The following SPATS2L variants were observed in gnomAD, a reference collection of about 807,000 sequenced individuals.
SPATS2L encodes the protein spermatogenesis associated serine rich 2 like, also known as SPATS2-like protein.
SPATS2L carries 30 observed loss-of-function variants against 59.6 expected under a neutral mutation model. The observed-to-expected ratio is 0.50, with a 90% CI of 0.38 to 0.68. The LOEUF is 0.68. SPATS2L is among the 30% of genes least tolerant of loss of function. The pLI is 0.00. For missense variants in SPATS2L, 615 were observed against 700.0 expected (o/e 0.88, Z 1.37); for synonymous variants, 252 against 263.5 (o/e 0.96, Z 0.42).
chr2:200,467,810 C>T (rs542350969), intron 10 of SPATS2L, among the ~76,000 whole-genome samples: 11 of 152,134 alleles, frequency 7.2e-5, no homozygotes, highest in South Asian at 6.2e-4. Flanking sequence ...AGAAAGCATG[C>T]GGTCTGTGGA....
intron 2 of SPATS2L, among the ~76,000 whole-genome samples, chr2:200,350,722 A>G (rs1181691882): frequency 6.6e-6 from 1 of 151,814 alleles, no homozygotes; most frequent in Non-Finnish European, 1.5e-5. Context: ...TTTAGTAGAG[A>G]TGGCGTTTCA....
chr2:200,354,707 A>G (rs1254851981), intron 2 of SPATS2L, among the ~76,000 whole-genome samples: 1 of 152,206 alleles, frequency 6.6e-6, no homozygotes, highest in Non-Finnish European at 1.5e-5. Flanking sequence ...GCTGTTGCCA[A>G]GGATTCTTAT....
intron 6 of SPATS2L, among the ~76,000 whole-genome samples, chr2:200,436,015 T>C (rs562417485): frequency 6.6e-6 from 1 of 152,306 alleles, no homozygotes; most frequent in South Asian, 2.1e-4. Context: ...ATTACACTTA[T>C]AGCACATCTC....
At chr2:200,408,221 G>T (rs1403004055) in intron 3 of SPATS2L, among the ~76,000 whole-genome samples, 1 of 152,142 alleles carries the variant, frequency 6.6e-6, no homozygotes, top group Non-Finnish European at 1.5e-5. Context: ...TGGGGGTGGG[G>T]GTTCAAAACT....
At chr2:200,406,174 A>T (rs914014095) in intron 3 of SPATS2L, among the ~76,000 whole-genome samples, 1 of 152,170 alleles carries the variant, frequency 6.6e-6, no homozygotes, top group Non-Finnish European at 1.5e-5. Context: ...TAAGTAAATA[A>T]TGGTGGCAAT....
At chr2:200,440,345 C>T (rs879649319) in intron 7 of SPATS2L, among the ~76,000 whole-genome samples, 10 of 152,330 alleles carry the variant, frequency 6.6e-5, no homozygotes, top group African/African-American at 2.2e-4. Context: ...GGTCTTTAGA[C>T]GTATCAGATT....
intron 10 of SPATS2L, among the ~76,000 whole-genome samples, chr2:200,469,513 G>C (rs1434995452): frequency 2.6e-5 from 4 of 152,166 alleles, no homozygotes; most frequent in African/African-American, 7.2e-5. Context: ...TGTTAAAATA[G>C]GAATGGGGGT....
intron 8 of SPATS2L, among the ~76,000 whole-genome samples, chr2:200,448,088 A>T (rs952778863): frequency 1.3e-5 from 2 of 151,870 alleles, no homozygotes; most frequent in African/African-American, 4.8e-5. Context: ...AGGCTGTGAG[A>T]TAAGCCGTGA....
chr2:200,441,854 A>G (rs956385718), intron 8 of SPATS2L, among the ~76,000 whole-genome samples: 19 of 152,186 alleles, frequency 1.2e-4, no homozygotes, highest in African/African-American at 4.1e-4. Context: ...CTTCTTCTGC[A>G]TGCTTTTCCT....
chr2:200,404,450 A>G (rs921573766), intron 3 of SPATS2L, among the ~76,000 whole-genome samples: 2 of 152,186 alleles, frequency 1.3e-5, no homozygotes, highest in Non-Finnish European at 2.9e-5. Context: ...GATTCATTTC[A>G]CTTTCCCTCA....
intron 8 of SPATS2L, among the ~76,000 whole-genome samples, chr2:200,448,252 G>A (rs1008412516): frequency 1.3e-5 from 2 of 152,124 alleles, no homozygotes; most frequent in Non-Finnish European, 2.9e-5. Flanking sequence ...GACCAGCCTG[G>A]CCAACATGGC....
Position 200,477,930 on chromosome 2 carries a change from A to C in SPATS2L, c.1576A>C (p.Ser526Arg), listed in dbSNP as rs1466482063. ...DTSEARPFRG[S>R]VGRVSQCNLC... ...CTCGGAGGCCAGGCCCTTCCGGGGT[A>C]GTGTCGGTAGGGTTTCACAGTGCAA... The change falls in exon 13 of 13, where the codon AGT becomes CGT. Residue 526 changes from serine (S) to arginine (R), a missense_variant. This residue lies in a region of SPATS2L where 284 missense variants were observed against 280.1 expected (regional missense o/e 1.01). Coordinates refer to ENST00000409140, the MANE Select transcript of SPATS2L (RefSeq NM_001100423.2). 1.2e-6 allele frequency: 2 copies of C among 1,611,972 alleles called. No homozygotes were observed. Among genetic ancestry groups the C allele is most frequent in the Non-Finnish European group, 1.7e-6 (2 of 1,179,734 alleles).
At chr2:200,419,133 C>T in intron 5 of SPATS2L, 117 bp from the exon 6 acceptor site, 3 of 945,360 alleles carry the variant, frequency 3.2e-6, no homozygotes, top group Non-Finnish European at 4.7e-6. Flanking sequence ...TTCATCCAGT[C>T]TATAAGAAGA....
At chr2:200,386,364 T>G (rs1436941385) in intron 2 of SPATS2L, among the ~76,000 whole-genome samples, 1 of 152,208 alleles carries the variant, frequency 6.6e-6, no homozygotes, top group African/African-American at 2.4e-5. Flanking sequence ...TGAATAAAAT[T>G]GTAATTAATT....
At chr2:200,334,116 C>T (rs2080055897) in intron 2 of SPATS2L, among the ~76,000 whole-genome samples, 1 of 152,216 alleles carries the variant, frequency 6.6e-6, no homozygotes, top group African/African-American at 2.4e-5. Context: ...TATAGTCCCA[C>T]CAACAGTGTA....
At chr2:200,401,344 G>T (rs1011249476) in intron 3 of SPATS2L, among the ~76,000 whole-genome samples, 1 of 152,118 alleles carries the variant, frequency 6.6e-6, no homozygotes, top group African/African-American at 2.4e-5. Flanking sequence ...ATAGATTGTT[G>T]TTCTGAGCCA....
intron 2 of SPATS2L, among the ~76,000 whole-genome samples, chr2:200,375,657 A>T (rs1375343060): frequency 1.3e-5 from 2 of 150,700 alleles, no homozygotes; most frequent in Non-Finnish European, 2.9e-5. Flanking sequence ...ATAGGGTCTT[A>T]CTCTGTCATC....
intron 2 of SPATS2L, chr2:200,383,760 T>C: frequency 8.0e-6 from 3 of 375,180 alleles, no homozygotes; most frequent in South Asian, 2.2e-4. Context: ...ATGATTTCTA[T>C]GTTTTTACAA....
At chr2:200,380,207 G>T (rs2081757594) in intron 2 of SPATS2L, among the ~76,000 whole-genome samples, 1 of 152,076 alleles carries the variant, frequency 6.6e-6, no homozygotes, top group Non-Finnish European at 1.5e-5. Flanking sequence ...TTGCTCTTTT[G>T]TGCCCATTTG....
Sources: gnomAD v4.1 joint callset for allele counts (sites outside exome capture counted in the v4.1 genomes callset) on GRCh38, gnomAD v4.1.1 for gene constraint, gnomAD v4.1.1 regional missense constraint, MANE v1.5 for transcripts, NCBI Gene and HGNC (gene_info 2026-07-23, HGNC 2026-07-21) for gene names.